PRKN: variants seen among roughly 807,000 people sequenced by gnomAD.
PRKN encodes the protein E3 ubiquitin-protein ligase parkin.
A neutral mutation model predicts 59.5 loss-of-function variants in PRKN; 56 were observed. The ratio of observed to expected loss-of-function variants is 0.94; its 90% CI spans 0.76 to 1.18. PRKN has a LOEUF of 1.18. Among genes scored for constraint, PRKN ranks in the 50% most tolerant of loss-of-function variants. The pLI is 0.00. For missense variants in PRKN, 657 were observed against 596.4 expected (o/e 1.10, Z -1.06); for synonymous variants, 250 against 222.1 (o/e 1.13, Z -1.12).
At position 162,011,441 on chromosome 6, in the gene PRKN, AT is replaced by A. The variant is rs1226744603; in HGVS notation, c.619-38025del. Reference sequence around the variant, plus strand: ...ATATTTTATAATATATATGTTATATATTTATAATATATAATATATATATTAT... The same window carrying A: ...ATATTTTATAATATATATGTTATATATTATAATATATAATATATATATTAT... On this transcript the variant is annotated intron_variant, in intron 5 of 11. Transcript: ENST00000366898. 7.5e-3 allele frequency among the ~76,000 whole-genome samples: 163 copies of A among 21,734 alleles called. 29 individuals are homozygous for A. The African/African-American group carries it at 0.087, about 12-fold the overall frequency. 14.3% of individuals were successfully genotyped at this position (21,734 alleles called of 152,430 possible).
rs969759 is a variant in PRKN at position 161,694,890 on chromosome 6, T to A, written c.871+90882A>T. On this transcript the variant is annotated intron_variant, in intron 7 of 11. Coordinates refer to ENST00000366898, the MANE Select transcript of PRKN (RefSeq NM_004562.3). ...CTCCCAGTACTTAGAAGTCCCGAAC[T>A]GTGGCTTGACACTCACTGCGGGATC... is the stretch of plus-strand genomic sequence containing the variant. Among the ~76,000 whole-genome samples the A allele has an allele frequency of 0.57, 86,702 of 152,006 alleles. 26,169 individuals are homozygous for A. The highest frequency in any genetic ancestry group is 0.68 in the Non-Finnish European group (46,357 of 67,962).
intron 1 of PRKN, among the ~76,000 whole-genome samples, chr6:162,560,521 G>C (rs1779790174): frequency 6.6e-6 from 1 of 151,986 alleles, no homozygotes; most frequent in Non-Finnish European, 1.5e-5. Flanking sequence ...GTGTAAACAT[G>C]GAAAAATCAA....
At chr6:162,476,068 T>C (rs1791998006) in intron 1 of PRKN, among the ~76,000 whole-genome samples, 1 of 148,968 alleles carries the variant, frequency 6.7e-6, no homozygotes. Context: ...TTTTTTTTTT[T>C]TTTTTTGAGA....
At chr6:161,914,531 C>G (rs962143044) in intron 6 of PRKN, among the ~76,000 whole-genome samples, 1 of 151,432 alleles carries the variant, frequency 6.6e-6, no homozygotes, top group Admixed American at 6.6e-5. Context: ...TTTTTTTTAA[C>G]GTGAAACATG....
At chr6:162,041,140 G>A (rs571069515) in intron 5 of PRKN, among the ~76,000 whole-genome samples, 2 of 152,080 alleles carry the variant, frequency 1.3e-5, no homozygotes, top group East Asian at 3.9e-4. Context: ...AGCTGAGATC[G>A]CACCACTGCC....
At chr6:162,434,034 AAAT>A (rs1434081079) in intron 2 of PRKN, among the ~76,000 whole-genome samples, 1 of 152,184 alleles carries the variant, frequency 6.6e-6, no homozygotes, top group Admixed American at 6.5e-5. Context: ...TATCCAGAAC[AAAT>A]AATAAGACAA....
intron 1 of PRKN, among the ~76,000 whole-genome samples, chr6:162,534,340 T>G (rs1778632982): frequency 6.6e-6 from 1 of 152,168 alleles, no homozygotes; most frequent in Non-Finnish European, 1.5e-5. Flanking sequence ...CTCTCAGGAC[T>G]CCATCTGCCA....
At chr6:162,235,971 A>AAGAAAGAAAGAAAGAAAGAAAG (rs1778670228) in intron 3 of PRKN, among the ~76,000 whole-genome samples, 14 of 97,774 alleles carry the variant, frequency 1.4e-4, no homozygotes, top group Middle Eastern at 5.0e-3. Context: ...GAAAGAAAGA[A>AAGAAAGAAAGAAAGAAAGAAAG]AGAAAGAAAG....
intron 4 of PRKN, among the ~76,000 whole-genome samples, chr6:162,088,843 C>G (rs1282713390): frequency 6.6e-6 from 1 of 152,128 alleles, no homozygotes; most frequent in Non-Finnish European, 1.5e-5. Flanking sequence ...AAATAATCCC[C>G]TCAATAAACG....
At chr6:162,237,451 C>T (rs2128089508) in intron 3 of PRKN, among the ~76,000 whole-genome samples, 2 of 152,266 alleles carry the variant, frequency 1.3e-5, no homozygotes, top group South Asian at 4.1e-4. Context: ...TTCATGTTAT[C>T]TCCAGTGGTC....
At chr6:161,574,653 G>A (rs906057295) in intron 7 of PRKN, among the ~76,000 whole-genome samples, 10 of 152,056 alleles carry the variant, frequency 6.6e-5, no homozygotes, top group African/African-American at 2.2e-4. Context: ...CCGGAACTCT[G>A]AACTCTTTAT....
intron 1 of PRKN, among the ~76,000 whole-genome samples, chr6:162,444,627 G>A (rs953312150): frequency 1.3e-5 from 2 of 152,062 alleles, no homozygotes; most frequent in African/African-American, 4.8e-5. Flanking sequence ...AGAAGCTTCT[G>A]GCTATCAGCT....
intron 4 of PRKN, among the ~76,000 whole-genome samples, chr6:162,161,775 C>T (rs905389826): frequency 6.6e-6 from 1 of 152,148 alleles, no homozygotes; most frequent in Non-Finnish European, 1.5e-5. Flanking sequence ...ATTTTATCAA[C>T]GCAACATAAC....
intron 7 of PRKN, among the ~76,000 whole-genome samples, chr6:161,708,359 T>C (rs1786596361): frequency 6.6e-6 from 1 of 151,734 alleles, no homozygotes; most frequent in Non-Finnish European, 1.5e-5. Flanking sequence ...AATTTAAACA[T>C]CCAAAATATT....
intron 1 of PRKN, among the ~76,000 whole-genome samples, chr6:162,702,650 C>G (rs1778198213): frequency 1.3e-5 from 2 of 152,156 alleles, no homozygotes; most frequent in South Asian, 2.1e-4. Context: ...AATCAACTTT[C>G]TGATTCGTGC....
chr6:162,150,681 G>A (rs971129447), intron 4 of PRKN, among the ~76,000 whole-genome samples: 3 of 152,048 alleles, frequency 2.0e-5, no homozygotes, highest in Non-Finnish European at 2.9e-5. Context: ...AGAGCAAAAC[G>A]AACTACAGCT....
intron 6 of PRKN, among the ~76,000 whole-genome samples, chr6:161,958,192 A>C (rs1389801820): frequency 6.6e-6 from 1 of 152,200 alleles, no homozygotes; most frequent in Non-Finnish European, 1.5e-5. Flanking sequence ...ATTTATTTTA[A>C]AAACTTATTA....
At chr6:162,706,776 C>T (rs1250792390) in intron 1 of PRKN, among the ~76,000 whole-genome samples, 1 of 152,168 alleles carries the variant, frequency 6.6e-6, no homozygotes, top group Non-Finnish European at 1.5e-5. Flanking sequence ...ATTTCATTTT[C>T]TCTTCTATTT....
chr6:161,886,822 CATTT>C lies in PRKN; in HGVS notation c.734+86476_734+86479del, dbSNP rs576415515. Among the ~76,000 whole-genome samples, 108 of 151,514 alleles carry C rather than the reference CATTT, an allele frequency of 7.1e-4. 1 individual carries two copies. In the South Asian group the frequency reaches 0.013, roughly 18 times the overall value. ...AGTCTCTTTTGAGTTTTTCTTGTTT[CATTT>C]ATTTAGTTTCTTAATCGTGAAAGAA... is the stretch of plus-strand genomic sequence containing the variant. On this transcript the variant is annotated intron_variant, in intron 6 of 11. Transcript: ENST00000366898.
Sources: gnomAD v4.1 joint callset for allele counts (sites outside exome capture counted in the v4.1 genomes callset) on GRCh38, gnomAD v4.1.1 for gene constraint, MANE v1.5 for transcripts, NCBI Gene and HGNC (gene_info 2026-07-23, HGNC 2026-07-21) for gene names.